NFKB1: variants seen among roughly 807,000 people sequenced by gnomAD.
NFKB1 encodes the protein nuclear factor kappa B subunit 1, also known as nuclear factor NF-kappa-B p105 subunit.
A neutral mutation model predicts 105.1 loss-of-function variants in NFKB1; 9 were observed. The ratio of observed to expected loss-of-function variants is 0.09; its 90% CI spans 0.05 to 0.15. The LOEUF (loss-of-function observed/expected upper bound fraction) is 0.15. NFKB1 is among the 10% of genes least tolerant of loss of function. NFKB1 has a pLI of 1.00. For synonymous variants in NFKB1, 440 were observed against 442.2 expected (o/e 1.00, Z 0.06); for missense variants, 830 against 1,203.7 (o/e 0.69, Z 4.59).
intron 18 of NFKB1, among the ~76,000 whole-genome samples, 159 bp downstream of exon 18, chr4:102,607,478 C>A (rs541412221): frequency 6.6e-6 from 1 of 152,302 alleles, no homozygotes; most frequent in Admixed American, 6.5e-5. Flanking sequence ...TAGACATTCC[C>A]CCAACCCCCT....
rs1739808623 is a variant in NFKB1, at chr4:102,511,910, A to C, written c.-8+10122A>C. Among the ~76,000 whole-genome samples the C allele has an allele frequency of 2.6e-5, 4 of 152,196 alleles. No individual in the cohort carries two copies. In the South Asian group the frequency reaches 8.3e-4, roughly 31 times the overall value. The stretch of plus-strand genomic sequence containing the variant: ...ACCCCTTCCCTCCACTGTCATTTAA[A>C]AGATTTCACAAACAACTTTTGGATT... On this transcript the variant is annotated intron_variant, in intron 1 of 23. Coordinates refer to ENST00000226574, the MANE Select transcript of NFKB1 (RefSeq NM_003998.4).
At chr4:102,577,892 A>G (rs1259066588) in intron 7 of NFKB1, 2 of 985,242 alleles carry the variant, frequency 2.0e-6, no homozygotes, top group Non-Finnish European at 1.2e-6. Flanking sequence ...TCAAGTTTAC[A>G]TCTTGTAGCC....
At chr4:102,515,104 A>ATTT (rs761237095) in intron 1 of NFKB1, among the ~76,000 whole-genome samples, 15,256 of 107,932 alleles carry the variant, frequency 0.14, 1,679 homozygotes, top group Non-Finnish European at 0.2. Flanking sequence ...TATTATTATT[A>ATTT]TTATTTTTTT....
At chr4:102,608,558 T>A (rs1728044751) in intron 19 of NFKB1, among the ~76,000 whole-genome samples, 1 of 152,206 alleles carries the variant, frequency 6.6e-6, no homozygotes, top group African/African-American at 2.4e-5. Context: ...TCCATGCTGA[T>A]CTTTGAATCT....
At chr4:102,540,379 A>C (rs1578739029) in intron 5 of NFKB1, among the ~76,000 whole-genome samples, 1 of 152,204 alleles carries the variant, frequency 6.6e-6, no homozygotes, top group East Asian at 1.9e-4. Context: ...CCTCAGTCAC[A>C]AAATAATTTA....
At chr4:102,596,375 G>A (rs1467853695) in intron 14 of NFKB1, 43 bp downstream of exon 14, 11 of 1,536,822 alleles carry the variant, frequency 7.2e-6, no homozygotes, top group Admixed American at 3.6e-5. Flanking sequence ...TGGCTGGGGA[G>A]GGGTCAGTCC....
chr4:102,575,012 A>G (rs760696839), intron 6 of NFKB1, among the ~76,000 whole-genome samples: 3 of 152,220 alleles, frequency 2.0e-5, no homozygotes, highest in African/African-American at 7.2e-5. Context: ...GGGAAGTTCT[A>G]TATGGGAGTA....
At chr4:102,594,004 A>G (rs187658240) in intron 12 of NFKB1, among the ~76,000 whole-genome samples, 263 of 152,274 alleles carry the variant, frequency 1.7e-3, no homozygotes, top group African/African-American at 5.9e-3. Flanking sequence ...AACTACTACT[A>G]TTTTTATGTA....
At chr4:102,602,622 C>T (rs1340898423) in intron 16 of NFKB1, among the ~76,000 whole-genome samples, 1 of 151,658 alleles carries the variant, frequency 6.6e-6, no homozygotes, top group African/African-American at 2.4e-5. Context: ...ATAGTTTTTA[C>T]CTGTGACTAG....
intron 15 of NFKB1, 135 bp from the exon 16 acceptor site, chr4:102,600,760 A>G: frequency 3.0e-6 from 2 of 660,938 alleles, no homozygotes; most frequent in Non-Finnish European, 5.4e-6. Context: ...TGCATTTTAT[A>G]GATTCAAAAC....
At chr4:102,592,878 C>T (rs1487032236) in intron 11 of NFKB1, among the ~76,000 whole-genome samples, 1 of 152,206 alleles carries the variant, frequency 6.6e-6, no homozygotes, top group Non-Finnish European at 1.5e-5. Flanking sequence ...CCCCAAACTC[C>T]TAGAACACTG....
chr4:102,537,509 A>C (rs1741717601), intron 4 of NFKB1: 1 of 169,220 alleles, frequency 5.9e-6, no homozygotes, highest in Non-Finnish European at 1.3e-5. Flanking sequence ...GCTTGGCAGC[A>C]GCAATTTAAG....
At position 102,611,691 on chromosome 4, in the gene NFKB1, G is replaced by T. The variant is rs570697070; in HGVS notation, c.2353-353G>T. On this transcript the variant is annotated intron_variant, in intron 20 of 23. Transcript: ENST00000226574. ...GAGACAGCTTCACAGCTCTGAGTAA[G>T]CTCTTCACTAGCCTTAGGTCTCTGA... Among the ~76,000 whole-genome samples the T allele has an allele frequency of 1.2e-4, 19 of 152,326 alleles. No individual in the cohort carries two copies. In the South Asian group the frequency reaches 3.9e-3, roughly 32 times the overall value.
chr4:102,566,032 T>C (rs1723838683), intron 5 of NFKB1, among the ~76,000 whole-genome samples: 1 of 152,158 alleles, frequency 6.6e-6, no homozygotes, highest in Non-Finnish European at 1.5e-5. Flanking sequence ...TCTGACTTGA[T>C]AGGATTTAAG....
rs185281845 is a variant in NFKB1 at position 102,549,567 on chromosome 4, G to C, written c.258+11611G>C. On this transcript the variant is annotated intron_variant, in intron 5 of 23. Coordinates refer to ENST00000226574, the MANE Select transcript of NFKB1 (RefSeq NM_003998.4). ...ATAGTTCTATTAATTATATATATAT[G>C]GGGGGAGGGGTGTTTCTCCAGCCTA... Among the ~76,000 whole-genome samples, 748 of 151,474 alleles carry C rather than the reference G, an allele frequency of 4.9e-3. 2 individuals are homozygous for C. Among genetic ancestry groups the C allele is most frequent in the Non-Finnish European group, 7.3e-3 (498 of 67,862 alleles).
At chr4:102,610,526 A>G in intron 19 of NFKB1, 49 bp from the exon 20 acceptor site, 1 of 1,587,820 alleles carries the variant, frequency 6.3e-7, no homozygotes, top group Non-Finnish European at 8.6e-7. Context: ...GGCAGTTGGA[A>G]GTTGACAAGA....
rs1725251143 is a variant in NFKB1 at position 102,580,653 on chromosome 4, G to T, written c.835+14G>T. On this transcript the variant is annotated intron_variant, in intron 9 of 23. Coordinates refer to ENST00000226574, the MANE Select transcript of NFKB1 (RefSeq NM_003998.4). ...AAGTTCAGAAAGGTAAATACATTCT[G>T]TGATCTCTGATCTCAAGAGGTGTGA... 6.3e-7 allele frequency: 1 copy of T among 1,595,406 alleles called. No individual in the cohort carries two copies.
intron 20 of NFKB1, among the ~76,000 whole-genome samples, chr4:102,611,760 CA>C (rs1464998711): frequency 6.6e-6 from 1 of 152,200 alleles, no homozygotes; most frequent in Non-Finnish European, 1.5e-5. Context: ...CTGTTCCTTC[CA>C]AAAGGCTATA....
In NFKB1 at chr4:102,529,957, T is replaced by C. The variant is rs1407151029; in HGVS notation, c.118+43T>C. ...TGTTACCCTGTTGTTCTGCTTTCAG[T>C]CTTAGTAAAATGCAGGATTTGTTAA... On this transcript the variant is annotated intron_variant, in intron 3 of 23. Transcript: ENST00000226574. The C allele has an allele frequency of 2.8e-6, 4 of 1,421,206 alleles. No homozygotes were observed. The East Asian group carries it at 7.0e-5, about 25-fold the overall frequency. The allele number at this position is 1,421,206 out of a possible 1,614,324, so 88.0% of individuals were successfully genotyped here.
Sources: gnomAD v4.1 joint callset for allele counts (sites outside exome capture counted in the v4.1 genomes callset) on GRCh38, gnomAD v4.1.1 for gene constraint, MANE v1.5 for transcripts, NCBI Gene and HGNC (gene_info 2026-07-23, HGNC 2026-07-21) for gene names.